The following DNASE1 variants were observed in gnomAD, a reference collection of about 807,000 sequenced individuals.
DNASE1 encodes deoxyribonuclease-1.
In DNASE1, 40 loss-of-function variants were observed where a neutral mutation model predicts 33.9. The observed-to-expected ratio is 1.18, with a 90% confidence interval of 0.92 to 1.54. DNASE1 has a LOEUF of 1.54. DNASE1 is among the 40% of genes most tolerant of loss of function. The pLI, the probability that DNASE1 is intolerant of heterozygous loss-of-function variation, is 0.00. For synonymous variants in DNASE1, 216 were observed against 160.0 expected, an observed-to-expected ratio of 1.35 and a Z score of -2.64; for missense variants, 518 against 372.6, an observed-to-expected ratio of 1.39 and a Z score of -3.21.
At chr16:3,614,290 C>G (rs941962476) in intron 1 of DNASE1, among the ~76,000 whole-genome samples, 2 of 151,134 alleles carry the variant, frequency 1.3e-5, no homozygotes, top group African/African-American at 4.9e-5. Flanking sequence ...ATCAGGCGGG[C>G]GATCTTCCTG....
chr16:3,660,766 A>G (rs1395874884), downstream of DNASE1: 3 of 152,210 alleles, frequency 2.0e-5, no homozygotes, highest in Non-Finnish European at 4.4e-5. Flanking sequence ...CTAAAGAACA[A>G]AACAAAAACT....
chr16:3,640,578 C>A (rs2042002060), upstream of DNASE1: 2 of 397,006 alleles, frequency 5.0e-6, no homozygotes, highest in African/African-American at 4.1e-5. Flanking sequence ...TTCAGGGTTC[C>A]CTGTTGCTGC....
Position 3,657,906 on chromosome 16 carries a change from G to A in DNASE1, c.802G>A (p.Ala268Thr). The A allele has an allele frequency of 3.1e-6, 5 of 1,613,990 alleles. No homozygotes were observed. Among genetic ancestry groups the A allele is most frequent in the Non-Finnish European group, 4.2e-6 (5 of 1,180,002 alleles). Reference sequence around the variant, plus strand: ...AGACCCTGTGCCCACTTGCCTGCAGGCCCAAGCCATCAGTGACCACTATCC... The same window carrying A: ...AGACCCTGTGCCCACTTGCCTGCAGACCCAAGCCATCAGTGACCACTATCC... ...QAAYGLSDQL[A>T]QAISDHYPVE... The change falls in exon 9 of 9, where the codon GCC (alanine) becomes ACC (threonine). Residue 268 changes from alanine (A) to threonine (T), a missense_variant and splice_region_variant. Transcript: ENST00000246949.
At chr16:3,622,480 A>G (rs1320317253) in intron 1 of DNASE1, among the ~76,000 whole-genome samples, 1 of 152,088 alleles carries the variant, frequency 6.6e-6, no homozygotes, top group Non-Finnish European at 1.5e-5. Context: ...TGTGTGATTA[A>G]TCTTTTTCCT....
At chr16:3,617,662 G>T (rs985809088) in intron 1 of DNASE1, among the ~76,000 whole-genome samples, 1 of 152,130 alleles carries the variant, frequency 6.6e-6, no homozygotes, top group Non-Finnish European at 1.5e-5. Flanking sequence ...GGAGGCCCTT[G>T]TGGCCATGTG....
chr16:3,620,614 C>G (rs563398143), intron 1 of DNASE1, among the ~76,000 whole-genome samples: 4 of 151,730 alleles, frequency 2.6e-5, no homozygotes, highest in Admixed American at 2.6e-4. Context: ...CATATTTAAT[C>G]AAACATTCCC....
intron 1 of DNASE1, among the ~76,000 whole-genome samples, chr16:3,648,987 C>T (rs2042252129): frequency 6.6e-6 from 1 of 152,170 alleles, no homozygotes; most frequent in Non-Finnish European, 1.5e-5. Flanking sequence ...TCTACGATTT[C>T]CCAGTCTGGG....
intron 1 of DNASE1, among the ~76,000 whole-genome samples, chr16:3,620,891 C>T (rs972971694): frequency 1.6e-4 from 25 of 152,024 alleles, no homozygotes; most frequent in Non-Finnish European, 2.9e-4. Context: ...ACCTCCGCTC[C>T]CCAGGTTCAA....
chr16:3,622,895 G>T (rs935162204), intron 1 of DNASE1, among the ~76,000 whole-genome samples: 5 of 152,158 alleles, frequency 3.3e-5, no homozygotes, highest in East Asian at 1.9e-4. Flanking sequence ...ATGAACAAAG[G>T]TTCTTCAAAG....
chr16:3,657,955 C>T lies in DNASE1; in HGVS notation c.*2C>T, dbSNP rs1327069349. 6.2e-7 allele frequency: 1 copy of T among 1,613,876 alleles called. No homozygotes were observed. Among genetic ancestry groups the T allele is most frequent in the East Asian group, 2.2e-5 (1 of 44,882 alleles). ...CCAGTGGAGGTGATGCTGAAGTGAG[C>T]AGCCCCTCCCCACACCAGTTGAACT... On this transcript the variant is annotated 3_prime_UTR_variant, in exon 9 of 9. Coordinates refer to ENST00000246949, the MANE Select transcript of DNASE1 (RefSeq NM_005223.4).
intron 1 of DNASE1, among the ~76,000 whole-genome samples, chr16:3,629,939 A>G (rs1305092502): frequency 1.3e-5 from 2 of 152,120 alleles, no homozygotes; most frequent in Non-Finnish European, 2.9e-5. Flanking sequence ...TCAGCCTCCC[A>G]AGTAGCTGGG....
chr16:3,630,420 C>T (rs1320212904), intron 1 of DNASE1, among the ~76,000 whole-genome samples: 1 of 151,254 alleles, frequency 6.6e-6, no homozygotes, highest in African/African-American at 2.4e-5. Context: ...AAAGCTCAGA[C>T]ATCTGCCCAC....
At chr16:3,636,725 C>T (rs930261369) in intron 1 of DNASE1, among the ~76,000 whole-genome samples, 10 of 151,982 alleles carry the variant, frequency 6.6e-5, no homozygotes, top group South Asian at 2.1e-4. Context: ...GAGGCTGAGG[C>T]ACGAGAATTG....
Position 3,656,108 on chromosome 16 carries a change from A to G in DNASE1, c.243A>G (p.Ala81=), listed in dbSNP as rs758431188. ...GKLLDNLNQD[A]PDTYHYVVSE... The stretch of plus-strand genomic sequence containing the variant: ...TTTTGTTTCTTCAATCCAGGGATGC[A>G]CCAGACACCTATCACTACGTGGTCA... The change falls in exon 4 of 9, where the codon GCA becomes GCG. Residue 81 remains alanine, a synonymous_variant. Transcript: ENST00000246949. 6.2e-7 allele frequency: 1 copy of G among 1,614,062 alleles called. No individual in the cohort carries two copies. Among genetic ancestry groups the G allele is most frequent in the Non-Finnish European group, 8.5e-7 (1 of 1,179,988 alleles).
upstream of DNASE1, among the ~76,000 whole-genome samples, chr16:3,640,083 CCTT>C (rs1347732525): frequency 6.6e-6 from 1 of 152,180 alleles, no homozygotes; most frequent in East Asian, 1.9e-4. Context: ...AGGGTGATGG[CCTT>C]CTGCGGAGTC....
chr16:3,633,832 C>T (rs372460460), intron 1 of DNASE1, among the ~76,000 whole-genome samples: 18 of 151,852 alleles, frequency 1.2e-4, no homozygotes, highest in South Asian at 6.2e-4. Flanking sequence ...TTTTTAAGAC[C>T]GAGTCTCGCT....
At chr16:3,625,579 C>T (rs1426888051) in intron 1 of DNASE1, among the ~76,000 whole-genome samples, 1 of 149,102 alleles carries the variant, frequency 6.7e-6, no homozygotes, top group Admixed American at 6.7e-5. Flanking sequence ...ATCATAATCG[C>T]CTTTCTGCAC....
chr16:3,626,778 G>C (rs1224611795), intron 1 of DNASE1, among the ~76,000 whole-genome samples: 6 of 152,134 alleles, frequency 3.9e-5, no homozygotes, highest in African/African-American at 1.4e-4. Context: ...CATTTATTTT[G>C]AATCTCTTTT....
upstream of DNASE1, among the ~76,000 whole-genome samples, chr16:3,640,014 T>G (rs1233301860): frequency 6.6e-6 from 1 of 152,254 alleles, no homozygotes; most frequent in Non-Finnish European, 1.5e-5. Flanking sequence ...TAGAGACTTC[T>G]GAACTTTTCA....
Sources: allele counts gnomAD v4.1 joint callset (sites outside exome capture counted in the v4.1 genomes callset), GRCh38; gene constraint gnomAD v4.1.1; transcripts MANE v1.5; gene names NCBI Gene and HGNC (gene_info 2026-07-23, HGNC 2026-07-21).